The following SVIL variants were observed in gnomAD, a reference collection of about 807,000 sequenced individuals.
SVIL encodes the protein archvillin.
In SVIL, 101 loss-of-function variants were observed where a neutral mutation model predicts 240.4. That is an observed-to-expected ratio of 0.42 (90% CI 0.36 to 0.50). The LOEUF is 0.50. SVIL is among the 20% of genes least tolerant of loss of function. The probability of loss-of-function intolerance (pLI) is 0.01; values close to 1 mark genes in which losing one functional copy is unlikely to be tolerated. For missense variants in SVIL, 2,512 were observed against 2,818.7 expected (o/e 0.89, Z 2.46); for synonymous variants, 999 against 1,100.0 (o/e 0.91, Z 1.82).
chr10:29,557,294 C>T (rs549812046), intron 3 of SVIL, among the ~76,000 whole-genome samples: 11 of 152,080 alleles, frequency 7.2e-5, no homozygotes, highest in Non-Finnish European at 1.2e-4. Flanking sequence ...GACGGGGTTT[C>T]GCTATGTTAT....
At chr10:29,489,607 G>C (rs1274215785) in intron 22 of SVIL, among the ~76,000 whole-genome samples, 3 of 152,158 alleles carry the variant, frequency 2.0e-5, no homozygotes, top group Non-Finnish European at 4.4e-5. Context: ...GAGTGCAGTG[G>C]TGCAGTCATG....
intron 2 of SVIL, among the ~76,000 whole-genome samples, chr10:29,663,836 C>G (rs1047543951): frequency 1.3e-5 from 2 of 152,188 alleles, no homozygotes; most frequent in Non-Finnish European, 2.9e-5. Flanking sequence ...CTGGTTCTCC[C>G]GGTGAGTGCT....
At chr10:29,553,012 C>A (rs1230928515) in intron 5 of SVIL, among the ~76,000 whole-genome samples, 1 of 151,796 alleles carries the variant, frequency 6.6e-6, no homozygotes, top group Non-Finnish European at 1.5e-5. Flanking sequence ...GAGGTGGAGT[C>A]TGGCCGTGTT....
At position 29,533,454 on chromosome 10, in the gene SVIL, T is replaced by C; in HGVS notation, c.913A>G (p.Lys305Glu). Residue 305 changes from lysine (K) to glutamate (E), a missense_variant, in exon 8 of 38, where the codon AAA becomes GAA. Around this residue, in one of 3 missense-constraint regions of SVIL, gnomAD observed 1,443 missense variants for 1,486.6 expected, o/e 0.97. Coordinates refer to ENST00000355867, the MANE Select transcript of SVIL (RefSeq NM_021738.3). ...TCTTTCACCAATTTTTCTCTAACTT[T>C]AACTCTTTAAGAAAGAAAAAGGATT... is the stretch of plus-strand genomic sequence containing the variant. Reference protein sequence around the residue: ...PSLINWPSRVKVREKLVKEES... With the variant: ...PSLINWPSRVEVREKLVKEES... 6.2e-7 allele frequency: 1 copy of C among 1,611,796 alleles called. No homozygotes were observed.
intron 29 of SVIL, among the ~76,000 whole-genome samples, chr10:29,475,023 G>A (rs1057373897): frequency 2.0e-5 from 3 of 152,178 alleles, no homozygotes; most frequent in African/African-American, 4.8e-5. Context: ...ACTGCTTGGT[G>A]TGGAGAGCAG....
intron 2 of SVIL, among the ~76,000 whole-genome samples, chr10:29,669,627 A>G (rs1211563378): frequency 6.6e-6 from 1 of 152,196 alleles, no homozygotes; most frequent in African/African-American, 2.4e-5. Flanking sequence ...AGCCATCCTG[A>G]CAGAGATGAT....
intron 36 of SVIL, chr10:29,458,865 G>C (rs919575802): frequency 4.8e-6 from 1 of 209,564 alleles, no homozygotes; most frequent in African/African-American, 2.3e-5. Context: ...GGAGTGCAGT[G>C]GTGCAATCAT....
chr10:29,543,096 T>A (rs1372993659), intron 6 of SVIL, among the ~76,000 whole-genome samples: 3 of 152,354 alleles, frequency 2.0e-5, no homozygotes, highest in East Asian at 3.9e-4. Flanking sequence ...TTATGCCTAG[T>A]GTTCCATTAT....
chr10:29,514,193 A>G, intron 16 of SVIL, among the ~76,000 whole-genome samples: 1 of 145,750 alleles, frequency 6.9e-6, no homozygotes, highest in Admixed American at 6.9e-5. Context: ...TTAAATCCAT[A>G]AATATTTTTA....
chr10:29,570,927 C>A (rs12775980), intron 1 of SVIL, among the ~76,000 whole-genome samples: 9,274 of 152,278 alleles, frequency 0.061, 356 homozygotes, highest in Admixed American at 0.12. Flanking sequence ...TCGTGTTATA[C>A]AATCCATACA....
intron 1 of SVIL, among the ~76,000 whole-genome samples, chr10:29,726,576 G>A (rs73596080): frequency 0.11 from 16,893 of 151,818 alleles, 1,044 homozygotes; most frequent in South Asian, 0.22. Flanking sequence ...ATGAAACCCC[G>A]CCTCTACTAA....
Position 29,590,940 on chromosome 10 carries a change from G to A in SVIL, c.-200-21628C>T, listed in dbSNP as rs58793860. ...CTCCAAATAGAAACCCTGAAGCAAG[G>A]ACATCTTTGTTTAAAGTAGTTTTAA... On this transcript the variant is annotated intron_variant, in intron 1 of 37. Coordinates refer to ENST00000355867, the MANE Select transcript of SVIL (RefSeq NM_021738.3). 2.5e-3 allele frequency among the ~76,000 whole-genome samples: 385 copies of A among 152,250 alleles called. 2 individuals are homozygous for A. Among genetic ancestry groups the A allele is most frequent in the African/African-American group, 8.5e-3 (354 of 41,528 alleles).
intron 1 of SVIL, among the ~76,000 whole-genome samples, chr10:29,577,064 A>C (rs1955730369): frequency 1.3e-5 from 2 of 152,098 alleles, no homozygotes; most frequent in African/African-American, 4.8e-5. Flanking sequence ...TATTTTTAGT[A>C]GAGACGGGTT....
At chr10:29,544,999 A>G (rs1200251681) in intron 6 of SVIL, 1 of 534,480 alleles carries the variant, frequency 1.9e-6, no homozygotes, top group Non-Finnish European at 3.8e-6. Flanking sequence ...CCCAAGATGT[A>G]TGTTTCTCCA....
chr10:29,541,467 G>C (rs560392197), intron 6 of SVIL, among the ~76,000 whole-genome samples: 10 of 152,114 alleles, frequency 6.6e-5, no homozygotes, highest in African/African-American at 2.2e-4. Context: ...ATATGTCATC[G>C]TTGGGTTACA....
intron 2 of SVIL, among the ~76,000 whole-genome samples, chr10:29,669,522 C>G (rs141493092): frequency 0.013 from 1,964 of 152,260 alleles, 21 homozygotes; most frequent in South Asian, 0.021. Flanking sequence ...GTTTTAAAGA[C>G]TCACTGTAGT....
At chr10:29,604,034 G>A (rs1956914799) in intron 1 of SVIL, among the ~76,000 whole-genome samples, 1 of 152,086 alleles carries the variant, frequency 6.6e-6, no homozygotes, top group Non-Finnish European at 1.5e-5. Context: ...CATTTCTGAG[G>A]TGCCAGTTAC....
At chr10:29,486,966 A>G (rs375162131) in intron 24 of SVIL, among the ~76,000 whole-genome samples, 197 bp downstream of exon 24, 1 of 152,190 alleles carries the variant, frequency 6.6e-6, no homozygotes, top group East Asian at 1.9e-4. Flanking sequence ...TGTAGGTCAT[A>G]GTCCTAAAGT....
intron 3 of SVIL, among the ~76,000 whole-genome samples, chr10:29,657,350 A>G (rs1479515862): frequency 1.3e-5 from 2 of 152,172 alleles, no homozygotes; most frequent in Admixed American, 6.5e-5. Context: ...AGCACTGCCC[A>G]CTACTCACAC....
Sources: gnomAD v4.1 joint callset for allele counts (sites outside exome capture counted in the v4.1 genomes callset) on GRCh38, gnomAD v4.1.1 for gene constraint, gnomAD v4.1.1 regional missense constraint, MANE v1.5 for transcripts, NCBI Gene and HGNC (gene_info 2026-07-23, HGNC 2026-07-21) for gene names.